Variants in CACNA1I observed in about 807,000 individuals in gnomAD.
CACNA1I encodes calcium voltage-gated channel subunit alpha1 I, also known as voltage-dependent T-type calcium channel subunit alpha-1I.
In CACNA1I, 74 loss-of-function variants were observed where a neutral mutation model predicts 201.6. The ratio of observed to expected loss-of-function variants is 0.37; its 90% confidence interval spans 0.30 to 0.45. CACNA1I has a LOEUF of 0.45. Among genes scored for constraint, CACNA1I ranks in the 20% least tolerant of loss-of-function variants. The pLI is 1.00. For synonymous variants in CACNA1I, 1,431 were observed against 1,345.2 expected, an observed-to-expected ratio of 1.06 and a Z score of -1.40; for missense variants, 2,346 against 3,138.1, an observed-to-expected ratio of 0.75 and a Z score of 6.03.
intron 6 of CACNA1I, 88 bp from the exon 7 acceptor site, chr22:39,642,709 C>T: frequency 1.2e-6 from 1 of 836,864 alleles, no homozygotes; most frequent in Non-Finnish European, 2.0e-6. Context: ...TTCTGGCACA[C>T]AGTGGGGCCT....
At chr22:39,599,004 A>G (rs1183975654) in intron 2 of CACNA1I, among the ~76,000 whole-genome samples, 3 of 119,160 alleles carry the variant, frequency 2.5e-5, no homozygotes, top group African/African-American at 6.5e-5. Flanking sequence ...GCTGGAGTGC[A>G]GTGGCGCGAT....
At chr22:39,623,014 C>G (rs1242579068) in intron 4 of CACNA1I, among the ~76,000 whole-genome samples, 4 of 152,208 alleles carry the variant, frequency 2.6e-5, no homozygotes, top group Non-Finnish European at 4.4e-5. Context: ...TGTACGTGAT[C>G]TTGATCTGAA....
At chr22:39,619,282 T>C (rs1259074769) in intron 3 of CACNA1I, 28 bp from the exon 4 acceptor site, 1 of 1,559,586 alleles carries the variant, frequency 6.4e-7, no homozygotes, top group Non-Finnish European at 8.8e-7. Context: ...TCCAGCACCA[T>C]CCCTCACTCT....
At chr22:39,614,948 T>C (rs2146387003) in intron 3 of CACNA1I, among the ~76,000 whole-genome samples, 1 of 152,324 alleles carries the variant, frequency 6.6e-6, no homozygotes, top group Admixed American at 6.5e-5. Flanking sequence ...GGGGAGGTTT[T>C]GTTGATTTCT....
At chr22:39,608,802 A>G (rs948960444) in intron 3 of CACNA1I, among the ~76,000 whole-genome samples, 4 of 152,168 alleles carry the variant, frequency 2.6e-5, no homozygotes, top group East Asian at 3.8e-4. Flanking sequence ...CCTGGGTGAC[A>G]GAGTGAGATC....
chr22:39,659,376 G>T lies in CACNA1I; in HGVS notation c.2331-57G>T, dbSNP rs1934925257. 1 of 1,189,346 alleles carries T rather than the reference G, an allele frequency of 8.4e-7. No individual in the cohort carries two copies. Among genetic ancestry groups the T allele is most frequent in the Non-Finnish European group, 1.2e-6 (1 of 817,582 alleles). 73.7% of individuals were successfully genotyped at this position (1,189,346 alleles called of 1,614,324 possible). ...CTGAGTTGACTGAGAATGAAACAAG[G>T]TGAGTAGGCAGTTTGGTGCATGTGA... is the stretch of plus-strand genomic sequence containing the variant. On this transcript the variant is annotated intron_variant, in intron 12 of 36. Coordinates refer to ENST00000402142, the MANE Select transcript of CACNA1I (RefSeq NM_021096.4). The surrounding 1 kb of genome is among the most constrained non-coding windows in gnomAD (Gnocchi z 4.3).
At position 39,659,615 on chromosome 22, in the gene CACNA1I, G is replaced by A. The variant is rs770308598; in HGVS notation, c.2448+65G>A. 930 of 1,595,724 alleles carry A rather than the reference G, an allele frequency of 5.8e-4. No individual in the cohort carries two copies. The highest frequency in any genetic ancestry group is 7.5e-4 in the Non-Finnish European group (876 of 1,163,932). ...ATGGGACAGTAGGCCTGGGAGGGGCGGGGCTGACAACTCCCATGCCTCCTT... is the reference window on the plus strand; with the variant it reads ...ATGGGACAGTAGGCCTGGGAGGGGCAGGGCTGACAACTCCCATGCCTCCTT... On this transcript the variant is annotated intron_variant, in intron 13 of 36. Transcript: ENST00000402142. This position sits in a 1 kb window ranked among gnomAD's most constrained non-coding sequence, Gnocchi z 4.3.
intron 3 of CACNA1I, among the ~76,000 whole-genome samples, chr22:39,607,956 A>G (rs908556439): frequency 1.3e-5 from 2 of 151,610 alleles, no homozygotes; most frequent in African/African-American, 4.9e-5. Context: ...TGTCTCTACT[A>G]AAAATACAAA....
chr22:39,652,554 G>A (rs770319332), intron 10 of CACNA1I, among the ~76,000 whole-genome samples: 3 of 152,164 alleles, frequency 2.0e-5, no homozygotes, highest in Non-Finnish European at 2.9e-5. Flanking sequence ...CGCCCCTCTT[G>A]TACCCTTGGA....
chr22:39,622,187 C>A (rs1329500650), intron 4 of CACNA1I, among the ~76,000 whole-genome samples: 2 of 152,158 alleles, frequency 1.3e-5, no homozygotes, highest in African/African-American at 4.8e-5. Context: ...ACAGAAGGCG[C>A]GCCAAAGACA....
chr22:39,679,381 G>C lies in CACNA1I; in HGVS notation c.5330G>C (p.Gly1777Ala), dbSNP rs1052952412. The change falls in exon 32 of 37, where the codon GGA becomes GCA. Residue 1777 changes from glycine to alanine, a missense_variant. Physicochemically the swap from Gly to Ala is moderately conservative, Grantham distance 60 (BLOSUM62 0). Coordinates refer to ENST00000402142, the MANE Select transcript of CACNA1I (RefSeq NM_021096.4). ...CCGGGCGCCCCTGGCCGAGGGCCGG[G>C]AGGGGCGGGCGGCGGGGGCGACACC... ...GSPGAPGRGP[G>A]GAGGGGDTEG... 4.6e-6 allele frequency: 7 copies of C among 1,517,098 alleles called. No individual in the cohort carries two copies. The highest frequency in any genetic ancestry group is 4.3e-5 in the Admixed American group (2 of 46,688). The allele number at this position is 1,517,098 out of a possible 1,614,324, so 94.0% of individuals were successfully genotyped here.
chr22:39,684,637 A>G lies in CACNA1I; in HGVS notation c.6027+139A>G. 1 of 887,742 alleles carries G rather than the reference A, an allele frequency of 1.1e-6. No individual in the cohort carries two copies. Among genetic ancestry groups the G allele is most frequent in the South Asian group, 1.6e-5 (1 of 62,062 alleles). The allele number at this position is 887,742 out of a possible 1,614,324, so 55.0% of individuals were successfully genotyped here. ...GCACCACCGTGCAAGGGGGTTTGGG[A>G]ACGCTGGGGTGACGCTGAGACTGGA... is the stretch of plus-strand genomic sequence containing the variant. On this transcript the variant is annotated intron_variant, in intron 36 of 36. Transcript: ENST00000402142. The surrounding 1 kb of genome is among the most constrained non-coding windows in gnomAD (Gnocchi z 4.6).
rs760054649 is a variant in CACNA1I, at chr22:39,659,680, CTG to C, written c.2449-13_2449-12del. 1 of 1,613,704 alleles carries C rather than the reference CTG, an allele frequency of 6.2e-7. No homozygotes were observed. The highest frequency in any genetic ancestry group is 1.1e-5 in the South Asian group (1 of 91,068). On this transcript the variant is annotated splice_polypyrimidine_tract_variant and intron_variant, in intron 13 of 36. Coordinates refer to ENST00000402142, the MANE Select transcript of CACNA1I (RefSeq NM_021096.4). This position sits in a 1 kb window ranked among gnomAD's most constrained non-coding sequence, Gnocchi z 4.3. ...TGGACTAGGGGTACCCCAGGGCTAA[CTG>C]TGTCTCCCCAACAGATCCTCACCCA...
intron 2 of CACNA1I, 97 bp downstream of exon 2, chr22:39,598,359 T>G: frequency 1.6e-6 from 1 of 608,690 alleles, no homozygotes; most frequent in African/African-American, 2.2e-5. Context: ...TGTCCTGGCC[T>G]TGCCCCGCCC....
At chr22:39,585,392 T>TC in intron 1 of CACNA1I, among the ~76,000 whole-genome samples, 1 of 138,488 alleles carries the variant, frequency 7.2e-6, no homozygotes, top group African/African-American at 2.7e-5. Context: ...CTTTCTTTTT[T>TC]TTTTTTTTTT....
At chr22:39,615,974 C>A (rs1264349393) in intron 3 of CACNA1I, among the ~76,000 whole-genome samples, 1 of 152,176 alleles carries the variant, frequency 6.6e-6, no homozygotes, top group Non-Finnish European at 1.5e-5. Context: ...ACACCAGATT[C>A]TACAGGAACG....
chr22:39,598,943 T>TTG (rs1388864403), intron 2 of CACNA1I, among the ~76,000 whole-genome samples: 4 of 92,808 alleles, frequency 4.3e-5, no homozygotes, highest in African/African-American at 6.6e-5. Context: ...CCTCTTGGGT[T>TTG]TTTTTTTTTT....
Position 39,687,811 on chromosome 22 carries a change from G to C in CACNA1I, c.*1406G>C, listed in dbSNP as rs1009274121. 1.3e-5 allele frequency: 2 copies of C among 152,220 alleles called. No homozygotes were observed. Among genetic ancestry groups the C allele is most frequent in the Non-Finnish European group, 1.5e-5 (1 of 68,044 alleles). The allele number at this position is 152,220 out of a possible 1,614,324, so 9.4% of individuals were successfully genotyped here. On this transcript the variant is annotated 3_prime_UTR_variant, in exon 37 of 37. Transcript: ENST00000402142. ...GAACCCGTGATTTCACAGACATTTT[G>C]CTTAGGTCAAGGCTACTTTTTAAAA... is the stretch of plus-strand genomic sequence containing the variant.
chr22:39,585,764 A>G (rs1306578853), intron 1 of CACNA1I, among the ~76,000 whole-genome samples: 2 of 115,296 alleles, frequency 1.7e-5, no homozygotes, highest in Non-Finnish European at 3.3e-5. Flanking sequence ...CGGTCTCACT[A>G]TGCTGCCCAG....
Sources: allele counts gnomAD v4.1 joint callset (sites outside exome capture counted in the v4.1 genomes callset), GRCh38; gene constraint gnomAD v4.1.1; non-coding constraint Gnocchi (gnomAD v3.1); transcripts MANE v1.5; gene names NCBI Gene and HGNC (gene_info 2026-07-23, HGNC 2026-07-21).